Variants in LUZP2 observed in about 807,000 individuals in gnomAD.
The protein encoded by LUZP2 is leucine zipper protein 2.
In LUZP2, 52 loss-of-function variants were observed where a neutral mutation model predicts 51.6. The observed-to-expected ratio is 1.01, with a 90% CI of 0.81 to 1.27. The LOEUF is 1.27. LUZP2 is among the 50% of genes most tolerant of loss of function. The pLI is 0.00. For missense variants in LUZP2, 436 were observed against 395.4 expected (o/e 1.10, Z -0.87); for synonymous variants, 154 against 137.3 (o/e 1.12, Z -0.85).
chr11:24,793,185 T>A (rs994748188), intron 5 of LUZP2, among the ~76,000 whole-genome samples: 1 of 152,198 alleles, frequency 6.6e-6, no homozygotes, highest in Non-Finnish European at 1.5e-5. Flanking sequence ...TTTCCCTGTA[T>A]GATTGCTGAT....
chr11:24,502,625 C>T (rs1348693337), intron 1 of LUZP2, among the ~76,000 whole-genome samples: 3 of 152,032 alleles, frequency 2.0e-5, no homozygotes, highest in Non-Finnish European at 4.4e-5. Context: ...ACCTCATGAT[C>T]CACCCGCCTC....
chr11:24,580,063 A>T (rs541684097), intron 1 of LUZP2, among the ~76,000 whole-genome samples: 4 of 152,070 alleles, frequency 2.6e-5, no homozygotes, highest in African/African-American at 7.2e-5. Flanking sequence ...AGGTTTTTTT[A>T]TGATTCTTAA....
At chr11:24,751,835 C>T (rs1273633345) in intron 4 of LUZP2, among the ~76,000 whole-genome samples, 1 of 151,620 alleles carries the variant, frequency 6.6e-6, no homozygotes, top group Non-Finnish European at 1.5e-5. Flanking sequence ...AGTAGATAAA[C>T]TAACAATTTA....
chr11:24,541,839 A>G (rs1260489242), intron 1 of LUZP2, among the ~76,000 whole-genome samples: 1 of 152,060 alleles, frequency 6.6e-6, no homozygotes, highest in Non-Finnish European at 1.5e-5. Context: ...GTACAGCCTA[A>G]AATTCCAAAA....
At chr11:24,897,944 T>G (rs1187066934) in intron 5 of LUZP2, among the ~76,000 whole-genome samples, 1 of 152,162 alleles carries the variant, frequency 6.6e-6, no homozygotes, top group Non-Finnish European at 1.5e-5. Context: ...ATAGTGAAAT[T>G]TGCAATTCAG....
chr11:24,516,623 A>G (rs1850471404), intron 1 of LUZP2, among the ~76,000 whole-genome samples: 2 of 152,214 alleles, frequency 1.3e-5, no homozygotes, highest in African/African-American at 4.8e-5. Flanking sequence ...TCTTAAGACA[A>G]TATGACAGCA....
intron 1 of LUZP2, among the ~76,000 whole-genome samples, chr11:24,672,305 A>G (rs920607554): frequency 1.3e-5 from 2 of 152,192 alleles, no homozygotes; most frequent in African/African-American, 4.8e-5. Context: ...GGTACTAAAC[A>G]TCAAAAGATA....
At position 24,786,450 on chromosome 11, in the gene LUZP2, G is replaced by A. The variant is rs543290070; in HGVS notation, c.396+23142G>A. Reference sequence around the variant, plus strand: ...TTTTTCATGGTACCAAAAATTCTGCGTAAATATCATATTAACGACTGCCTA... The same window carrying A: ...TTTTTCATGGTACCAAAAATTCTGCATAAATATCATATTAACGACTGCCTA... On this transcript the variant is annotated intron_variant, in intron 5 of 11. Transcript: ENST00000336930. 50 of 981,358 alleles carry A rather than the reference G, an allele frequency of 5.1e-5. 1 individual carries two copies. The highest frequency in any genetic ancestry group is 3.3e-4 in the South Asian group (7 of 21,198). The allele number at this position is 981,358 out of a possible 1,614,324, so 60.8% of individuals were successfully genotyped here.
At chr11:24,992,990 T>C (rs1268394715) in intron 9 of LUZP2, among the ~76,000 whole-genome samples, 1 of 152,178 alleles carries the variant, frequency 6.6e-6, no homozygotes, top group Non-Finnish European at 1.5e-5. Context: ...AATTACTTTT[T>C]AAGTTTCAAA....
At chr11:24,640,625 GT>G (rs1416200526) in intron 1 of LUZP2, among the ~76,000 whole-genome samples, 2 of 151,968 alleles carry the variant, frequency 1.3e-5, no homozygotes, top group African/African-American at 4.8e-5. Context: ...AAAATATCGT[GT>G]TATTTGTATC....
chr11:24,810,634 A>G (rs1849991310), intron 5 of LUZP2, among the ~76,000 whole-genome samples: 1 of 152,180 alleles, frequency 6.6e-6, no homozygotes, highest in African/African-American at 2.4e-5. Flanking sequence ...CACAAGTAAG[A>G]TAGGTGTATA....
chr11:24,846,032 T>G (rs371024418), intron 5 of LUZP2, among the ~76,000 whole-genome samples: 1 of 152,060 alleles, frequency 6.6e-6, no homozygotes, highest in Admixed American at 6.6e-5. Context: ...AGTTATCAGA[T>G]GCATCCATTC....
intron 1 of LUZP2, among the ~76,000 whole-genome samples, chr11:24,543,158 T>C (rs1851433302): frequency 6.6e-6 from 1 of 151,086 alleles, no homozygotes; most frequent in African/African-American, 2.5e-5. Context: ...TATTAGGTGG[T>C]TTCAATTTGT....
intron 7 of LUZP2, among the ~76,000 whole-genome samples, chr11:24,951,593 C>T (rs1232685436): frequency 6.6e-6 from 1 of 151,366 alleles, no homozygotes; most frequent in Non-Finnish European, 1.5e-5. Context: ...ATTTTATCTT[C>T]ACTCGTGGCT....
At chr11:24,640,392 A>G (rs1218649990) in intron 1 of LUZP2, among the ~76,000 whole-genome samples, 1 of 151,820 alleles carries the variant, frequency 6.6e-6, no homozygotes, top group African/African-American at 2.4e-5. Flanking sequence ...TTATATAAGG[A>G]CCTCTGTCCC....
Position 24,611,744 on chromosome 11 carries a change from A to G in LUZP2, c.62+114439A>G, listed in dbSNP as rs150447312. On this transcript the variant is annotated intron_variant, in intron 1 of 11. Transcript: ENST00000336930. The surrounding 1 kb of genome is among the most constrained non-coding windows in gnomAD (Gnocchi z 4.6). ...ATTAACTCTTTCACTCCTCACACCA[A>G]GCCAAGATATAACTACCTCATTTAT... 3.2e-3 allele frequency among the ~76,000 whole-genome samples: 488 copies of G among 152,274 alleles called. 1 individual carries two copies. Among genetic ancestry groups the G allele is most frequent in the African/African-American group, 0.011 (458 of 41,564 alleles).
intron 1 of LUZP2, among the ~76,000 whole-genome samples, chr11:24,585,610 C>G (rs1020155009): frequency 6.6e-6 from 1 of 151,902 alleles, no homozygotes; most frequent in East Asian, 1.9e-4. Flanking sequence ...GTTAAAAAAA[C>G]AAACCAACCC....
At chr11:24,837,639 G>T (rs1174396283) in intron 5 of LUZP2, among the ~76,000 whole-genome samples, 1 of 151,648 alleles carries the variant, frequency 6.6e-6, no homozygotes, top group Non-Finnish European at 1.5e-5. Flanking sequence ...ATCAAGCTTT[G>T]AGGACAGAAA....
chr11:24,863,977 T>C (rs948428601), intron 5 of LUZP2, among the ~76,000 whole-genome samples: 1 of 147,276 alleles, frequency 6.8e-6, no homozygotes, highest in African/African-American at 2.6e-5. Flanking sequence ...TTTTAAAGTA[T>C]ATTTTAGTGG....
Sources: gnomAD v4.1 joint callset for allele counts (sites outside exome capture counted in the v4.1 genomes callset) on GRCh38, gnomAD v4.1.1 for gene constraint, Gnocchi (gnomAD v3.1) non-coding constraint, MANE v1.5 for transcripts, NCBI Gene and HGNC (gene_info 2026-07-23, HGNC 2026-07-21) for gene names.